The following PTPRM variants were observed in gnomAD, a reference collection of about 807,000 sequenced individuals.
PTPRM encodes the protein receptor-type tyrosine-protein phosphatase mu.
In PTPRM, 47 loss-of-function variants were observed where a neutral mutation model predicts 186.7. The observed-to-expected ratio is 0.25, with a 90% CI of 0.20 to 0.32. The LOEUF (loss-of-function observed/expected upper bound fraction) is 0.32. PTPRM is among the 10% of genes least tolerant of loss of function. The probability of loss-of-function intolerance (pLI) is 1.00; values close to 1 mark genes in which losing one functional copy is unlikely to be tolerated. For synonymous variants in PTPRM, 668 were observed against 674.9 expected (o/e 0.99, Z 0.16); for missense variants, 1,494 against 1,865.0 (o/e 0.80, Z 3.66).
intron 1 of PTPRM, among the ~76,000 whole-genome samples, chr18:7,647,618 G>T (rs1274936657): frequency 6.6e-6 from 1 of 152,230 alleles, no homozygotes; most frequent in African/African-American, 2.4e-5. Flanking sequence ...GGCTACGCTG[G>T]TGTGTCCTGG....
chr18:7,811,831 T>C (rs572104305), intron 2 of PTPRM, among the ~76,000 whole-genome samples: 13 of 152,166 alleles, frequency 8.5e-5, no homozygotes, highest in Admixed American at 8.5e-4. Flanking sequence ...ATAATCTATA[T>C]TCTGAACACT....
chr18:7,699,357 A>AT (rs1482517064), intron 1 of PTPRM, among the ~76,000 whole-genome samples: 1 of 152,082 alleles, frequency 6.6e-6, no homozygotes, highest in Non-Finnish European at 1.5e-5. Flanking sequence ...GCTAGGTTGC[A>AT]TTTTCACTCT....
chr18:7,710,452 G>T (rs2040188460), intron 1 of PTPRM, among the ~76,000 whole-genome samples: 1 of 152,112 alleles, frequency 6.6e-6, no homozygotes, highest in Non-Finnish European at 1.5e-5. Context: ...TTGAATGGGG[G>T]AAAAGTTGAA....
intron 17 of PTPRM, among the ~76,000 whole-genome samples, chr18:8,249,671 G>T (rs1021956076): frequency 6.6e-6 from 1 of 152,194 alleles, no homozygotes; most frequent in African/African-American, 2.4e-5. Flanking sequence ...GGAAGAAAAT[G>T]TTCAGATTTC....
chr18:8,047,524 C>T (rs979618598), intron 7 of PTPRM, among the ~76,000 whole-genome samples: 1 of 152,106 alleles, frequency 6.6e-6, no homozygotes, highest in Non-Finnish European at 1.5e-5. Flanking sequence ...ATCAGTCACA[C>T]AATGCACTTT....
In PTPRM at chr18:8,130,308, C is replaced by T. The variant is rs144079211; in HGVS notation, c.2168-13339C>T. Reference sequence around the variant, plus strand: ...CATGGTGGAACTGTTGAGTGAGAGCCGTTGTCCAGCTGCTGTCCCATCTCA... The same window carrying T: ...CATGGTGGAACTGTTGAGTGAGAGCTGTTGTCCAGCTGCTGTCCCATCTCA... On this transcript the variant is annotated intron_variant, in intron 13 of 32. Transcript: ENST00000580170. Among the ~76,000 whole-genome samples the T allele has an allele frequency of 3.4e-4, 52 of 152,216 alleles. 1 individual carries two copies. Among genetic ancestry groups the T allele is most frequent in the Admixed American group, 1.2e-3 (18 of 15,290 alleles).
chr18:8,181,818 T>G (rs1248211204), intron 14 of PTPRM, among the ~76,000 whole-genome samples: 2 of 152,020 alleles, frequency 1.3e-5, no homozygotes, highest in Non-Finnish European at 2.9e-5. Flanking sequence ...AAGATAATTC[T>G]CAGCTCTTGA....
intron 7 of PTPRM, among the ~76,000 whole-genome samples, chr18:8,021,860 G>C (rs890676102): frequency 6.6e-6 from 1 of 151,980 alleles, no homozygotes; most frequent in African/African-American, 2.4e-5. Flanking sequence ...TGGGACTACA[G>C]GCATGAGCCA....
At chr18:8,163,901 G>T (rs2093275190) in intron 14 of PTPRM, among the ~76,000 whole-genome samples, 1 of 152,168 alleles carries the variant, frequency 6.6e-6, no homozygotes, top group South Asian at 2.1e-4. Context: ...GTTAGCTTTA[G>T]CACTTTTTAG....
At position 8,276,727 on chromosome 18, in the gene PTPRM, G is replaced by A. The variant is rs116746958; in HGVS notation, c.2755-19641G>A. Among the ~76,000 whole-genome samples the A allele has an allele frequency of 8.3e-3, 1,262 of 152,236 alleles. 10 individuals are homozygous for A. The highest frequency in any genetic ancestry group is 0.028 in the African/African-American group (1,157 of 41,552). On this transcript the variant is annotated intron_variant, in intron 19 of 32. Coordinates refer to ENST00000580170, the MANE Select transcript of PTPRM (RefSeq NM_001105244.2). ...GACAGCTGACTCTGGGGCTCATGCC[G>A]TTCTACAACAAAAAAATACAATCTC...
At chr18:8,339,492 C>T (rs1568780522) in intron 22 of PTPRM, among the ~76,000 whole-genome samples, 1 of 152,212 alleles carries the variant, frequency 6.6e-6, no homozygotes, top group Admixed American at 6.5e-5. Context: ...GCAAACACAT[C>T]TGTTCACACC....
chr18:7,752,832 T>C (rs2041286249), intron 1 of PTPRM, among the ~76,000 whole-genome samples: 1 of 152,180 alleles, frequency 6.6e-6, no homozygotes, highest in Non-Finnish European at 1.5e-5. Context: ...TTTTTTGGCC[T>C]TTTAGTTAGG....
intron 2 of PTPRM, among the ~76,000 whole-genome samples, chr18:7,830,091 T>A (rs2045684155): frequency 1.3e-5 from 2 of 152,188 alleles, no homozygotes; most frequent in Admixed American, 1.3e-4. Context: ...ATTGTTTTGG[T>A]AAATTTAATA....
At chr18:8,234,633 G>C (rs895088632) in intron 14 of PTPRM, among the ~76,000 whole-genome samples, 1 of 152,138 alleles carries the variant, frequency 6.6e-6, no homozygotes, top group African/African-American at 2.4e-5. Flanking sequence ...AAAAGTATTG[G>C]TGAGAGAGGA....
chr18:7,670,154 T>C (rs906780605), intron 1 of PTPRM, among the ~76,000 whole-genome samples: 2 of 149,680 alleles, frequency 1.3e-5, no homozygotes, highest in Non-Finnish European at 2.9e-5. Context: ...GTCATTAATA[T>C]AAAATTTACT....
At chr18:7,673,812 G>A (rs1453527933) in intron 1 of PTPRM, among the ~76,000 whole-genome samples, 1 of 152,200 alleles carries the variant, frequency 6.6e-6, no homozygotes, top group African/African-American at 2.4e-5. Context: ...GAAATGTGCT[G>A]CTGAGCGGTC....
intron 7 of PTPRM, among the ~76,000 whole-genome samples, chr18:7,983,315 A>G (rs982906309): frequency 6.6e-6 from 1 of 151,856 alleles, no homozygotes; most frequent in Admixed American, 6.6e-5. Context: ...GTGCCTGATG[A>G]TCTGAGGGGG....
chr18:7,903,283 G>T (rs979443473), intron 3 of PTPRM, among the ~76,000 whole-genome samples: 2 of 152,178 alleles, frequency 1.3e-5, no homozygotes, highest in Non-Finnish European at 2.9e-5. Context: ...ACATTTCTGC[G>T]TTTGGTTTTC....
At chr18:8,402,891 T>C (rs2095879698) in intron 32 of PTPRM, 2 of 152,212 alleles carry the variant, frequency 1.3e-5, no homozygotes, top group African/African-American at 4.8e-5. Context: ...GTGGAAAAAG[T>C]GGTCTATTTA....
Sources: gnomAD v4.1 joint callset for allele counts (sites outside exome capture counted in the v4.1 genomes callset) on GRCh38, gnomAD v4.1.1 for gene constraint, MANE v1.5 for transcripts, NCBI Gene and HGNC (gene_info 2026-07-23, HGNC 2026-07-21) for gene names.